GMDS: variants seen among roughly 807,000 people sequenced by gnomAD.
The protein encoded by GMDS is GDP-mannose 4,6 dehydratase.
In GMDS, 20 loss-of-function variants were observed where a neutral mutation model predicts 49.9. The observed-to-expected ratio is 0.40, with a 90% CI of 0.28 to 0.58. The LOEUF is 0.58. GMDS is among the 20% of genes least tolerant of loss of function. The pLI is 0.42. For missense variants in GMDS, 362 were observed against 481.4 expected (o/e 0.75, Z 2.32); for synonymous variants, 177 against 178.6 (o/e 0.99, Z 0.07).
chr6:2,173,547 AT>A (rs1778124559), intron 1 of GMDS, among the ~76,000 whole-genome samples: 1 of 152,206 alleles, frequency 6.6e-6, no homozygotes, highest in African/African-American at 2.4e-5. Flanking sequence ...ATATGTATCC[AT>A]TTTTCTTTGT....
intron 9 of GMDS, among the ~76,000 whole-genome samples, chr6:1,719,224 A>G (rs1766279715): frequency 1.3e-5 from 2 of 152,118 alleles, no homozygotes; most frequent in African/African-American, 2.4e-5. Flanking sequence ...TAATGACAAA[A>G]GGAGCCAGAC....
rs545992733 is a variant in GMDS at position 1,782,655 on chromosome 6, C to G, written c.772-40069G>C. ...TAGAGCTTACTGATTTTAACTCACTCTTGGCAAAGGCAAATATTAGGAAGT... is the reference window on the plus strand; with the variant it reads ...TAGAGCTTACTGATTTTAACTCACTGTTGGCAAAGGCAAATATTAGGAAGT... On this transcript the variant is annotated intron_variant, in intron 7 of 10. Coordinates refer to ENST00000380815, the MANE Select transcript of GMDS (RefSeq NM_001500.4). Among the ~76,000 whole-genome samples, 7 of 152,324 alleles carry G rather than the reference C, an allele frequency of 4.6e-5. No homozygotes were observed. In the South Asian group the frequency reaches 1.5e-3, roughly 32 times the overall value.
chr6:2,146,440 T>A (rs1776564369), intron 1 of GMDS, among the ~76,000 whole-genome samples: 1 of 151,970 alleles, frequency 6.6e-6, no homozygotes, highest in South Asian at 2.1e-4. Context: ...GGTGGGCTGG[T>A]TTGGTGGGAA....
chr6:2,213,364 A>G (rs1191854173), intron 1 of GMDS, among the ~76,000 whole-genome samples: 1 of 152,262 alleles, frequency 6.6e-6, no homozygotes, highest in African/African-American at 2.4e-5. Flanking sequence ...CCTTAGGCCC[A>G]TTAAGCTCTT....
chr6:1,643,806 T>C (rs551835127), intron 9 of GMDS, among the ~76,000 whole-genome samples: 153 of 152,280 alleles, frequency 1.0e-3, no homozygotes, highest in Non-Finnish European at 2.0e-3. Context: ...GTGTGAATTA[T>C]ACCTCAATAA....
At chr6:1,869,296 T>A (rs1561855700) in intron 7 of GMDS, among the ~76,000 whole-genome samples, 2 of 152,344 alleles carry the variant, frequency 1.3e-5, no homozygotes, top group African/African-American at 2.4e-5. Flanking sequence ...CCTATTTTTT[T>A]AATAGCGTTC....
chr6:1,642,832 G>A (rs1763371968), intron 9 of GMDS, among the ~76,000 whole-genome samples: 1 of 152,168 alleles, frequency 6.6e-6, no homozygotes, highest in Non-Finnish European at 1.5e-5. Flanking sequence ...AGATCAGGAT[G>A]GGCCTCGGAT....
At chr6:1,927,740 A>G (rs1378470547) in intron 7 of GMDS, among the ~76,000 whole-genome samples, 1 of 151,986 alleles carries the variant, frequency 6.6e-6, no homozygotes, top group Non-Finnish European at 1.5e-5. Flanking sequence ...TTTCAGATCT[A>G]CTCGTTGACA....
intron 1 of GMDS, among the ~76,000 whole-genome samples, chr6:2,228,820 T>C (rs3800190): frequency 0.13 from 19,037 of 152,174 alleles, 1,262 homozygotes; most frequent in Middle Eastern, 0.23. Context: ...ATACCCCCCG[T>C]TGACAGCTTC....
intron 7 of GMDS, among the ~76,000 whole-genome samples, chr6:1,897,963 A>AGGGTTC (rs2113852945): frequency 1.7e-5 from 2 of 115,194 alleles, no homozygotes; most frequent in African/African-American, 6.3e-5. Context: ...CACCCTTGCC[A>AGGGTTC]TCCTGGACAC....
intron 9 of GMDS, among the ~76,000 whole-genome samples, chr6:1,634,968 G>A (rs911330683): frequency 6.6e-6 from 1 of 152,156 alleles, no homozygotes; most frequent in Admixed American, 6.5e-5. Context: ...GAATGAGAAC[G>A]TTTTTATTGC....
chr6:2,036,214 G>A (rs1014547776), intron 4 of GMDS, among the ~76,000 whole-genome samples: 1 of 152,134 alleles, frequency 6.6e-6, no homozygotes, highest in African/African-American at 2.4e-5. Flanking sequence ...TTAATTAAAT[G>A]GTGAAATAAA....
intron 6 of GMDS, among the ~76,000 whole-genome samples, chr6:1,950,065 T>C (rs982157183): frequency 6.6e-6 from 1 of 152,242 alleles, no homozygotes; most frequent in African/African-American, 2.4e-5. Context: ...TTTTTAAAGA[T>C]TATTTTATTT....
At chr6:2,139,503 G>T (rs1021543128) in intron 1 of GMDS, among the ~76,000 whole-genome samples, 1 of 152,124 alleles carries the variant, frequency 6.6e-6, no homozygotes, top group Non-Finnish European at 1.5e-5. Flanking sequence ...AGACACATGT[G>T]GCTTATAGCT....
At chr6:1,919,086 G>A (rs1267748861) in intron 7 of GMDS, among the ~76,000 whole-genome samples, 3 of 152,148 alleles carry the variant, frequency 2.0e-5, no homozygotes, top group African/African-American at 7.2e-5. Context: ...ATGATGGGCA[G>A]GGAGATCCAA....
chr6:2,165,087 G>A (rs528777160), intron 1 of GMDS, among the ~76,000 whole-genome samples: 10 of 152,272 alleles, frequency 6.6e-5, no homozygotes, highest in African/African-American at 2.4e-4. Flanking sequence ...GCATATTTTA[G>A]TCTTATCAGA....
At chr6:1,955,624 T>G (rs1763593424) in intron 6 of GMDS, among the ~76,000 whole-genome samples, 1 of 152,084 alleles carries the variant, frequency 6.6e-6, no homozygotes, top group Non-Finnish European at 1.5e-5. Flanking sequence ...AAGTCGCAGA[T>G]TATTGGCTCT....
intron 8 of GMDS, among the ~76,000 whole-genome samples, chr6:1,727,564 G>C (rs1014343213): frequency 6.6e-6 from 1 of 152,040 alleles, no homozygotes; most frequent in South Asian, 2.1e-4. Context: ...CGGGGTCAGA[G>C]TCATCATGGG....
rs530613663 is a variant in GMDS at position 1,795,968 on chromosome 6, C to T, written c.772-53382G>A. Among the ~76,000 whole-genome samples the T allele has an allele frequency of 1.4e-4, 22 of 152,330 alleles. No individual in the cohort carries two copies. In the South Asian group the frequency reaches 3.9e-3, roughly 27 times the overall value. ...GGGAAGGCGGGGACTGGCCAGTTCT[C>T]TTCTCTCTACAAACTCCACCAAATT... On this transcript the variant is annotated intron_variant, in intron 7 of 10. Transcript: ENST00000380815.
Sources: gnomAD v4.1 joint callset for allele counts (sites outside exome capture counted in the v4.1 genomes callset) on GRCh38, gnomAD v4.1.1 for gene constraint, MANE v1.5 for transcripts, NCBI Gene and HGNC (gene_info 2026-07-23, HGNC 2026-07-21) for gene names.